Variants in KHDRBS3 observed in about 807,000 individuals in gnomAD.
KHDRBS3 encodes KH domain-containing, RNA-binding, signal transduction-associated protein 3.
A neutral mutation model predicts 45.6 loss-of-function variants in KHDRBS3; 23 were observed. The ratio of observed to expected loss-of-function variants is 0.50; its 90% CI spans 0.36 to 0.72. The LOEUF (loss-of-function observed/expected upper bound fraction) is 0.72, where lower values mean the gene tolerates loss of function less well. Ranked by LOEUF, KHDRBS3 falls within the 30% of genes least tolerant of loss-of-function variation. The probability of loss-of-function intolerance (pLI) is 0.00; values close to 1 mark genes in which losing one functional copy is unlikely to be tolerated. For missense variants in KHDRBS3, 352 were observed against 424.8 expected (o/e 0.83, Z 1.51); for synonymous variants, 162 against 156.5 (o/e 1.04, Z -0.26).
chr8:135,624,315 G>A lies in KHDRBS3; in HGVS notation c.890+17278G>A, dbSNP rs111507219. Among the ~76,000 whole-genome samples the A allele has an allele frequency of 4.2e-3, 644 of 152,278 alleles. 11 individuals are homozygous for A. Among genetic ancestry groups the A allele is most frequent in the African/African-American group, 0.014 (587 of 41,560 alleles). ...AGCAGAGAAGAGAAACATGGTAAATGTAAACCTAAAAGACAGTAAAATGGG... is the reference window on the plus strand; with the variant it reads ...AGCAGAGAAGAGAAACATGGTAAATATAAACCTAAAAGACAGTAAAATGGG... On this transcript the variant is annotated intron_variant, in intron 7 of 8. Coordinates refer to ENST00000355849, the MANE Select transcript of KHDRBS3 (RefSeq NM_006558.3).
At chr8:135,460,076 T>G (rs1185199175) in intron 1 of KHDRBS3, among the ~76,000 whole-genome samples, 1 of 152,244 alleles carries the variant, frequency 6.6e-6, no homozygotes. Context: ...TACACGCTTA[T>G]GTAACTGCAA....
chr8:135,583,157 T>C, intron 6 of KHDRBS3, among the ~76,000 whole-genome samples: 1 of 152,202 alleles, frequency 6.6e-6, no homozygotes, highest in Non-Finnish European at 1.5e-5. Context: ...TTACTACAGT[T>C]CTTACATTTC....
intron 7 of KHDRBS3, among the ~76,000 whole-genome samples, chr8:135,632,234 AC>A (rs1830634524): frequency 6.6e-6 from 1 of 152,058 alleles, no homozygotes; most frequent in Non-Finnish European, 1.5e-5. Context: ...TCCTCTGAGC[AC>A]CTTTGCCACA....
intron 3 of KHDRBS3, among the ~76,000 whole-genome samples, chr8:135,544,259 G>A (rs1288456197): frequency 6.6e-6 from 1 of 152,146 alleles, no homozygotes; most frequent in Non-Finnish European, 1.5e-5. Flanking sequence ...TGCTTGGTCA[G>A]AAGCAGTGTT....
chr8:135,492,846 T>A (rs1037077294), intron 1 of KHDRBS3, among the ~76,000 whole-genome samples: 1 of 152,164 alleles, frequency 6.6e-6, no homozygotes, highest in African/African-American at 2.4e-5. Flanking sequence ...CTTACTGATT[T>A]CTGCAAAAAC....
intron 5 of KHDRBS3, among the ~76,000 whole-genome samples, chr8:135,574,902 A>G (rs1827881706): frequency 1.3e-5 from 2 of 152,206 alleles, no homozygotes; most frequent in African/African-American, 4.8e-5. Context: ...TTTCTCTCCT[A>G]ATAACACAAA....
chr8:135,579,678 A>G (rs1293775352), intron 5 of KHDRBS3, among the ~76,000 whole-genome samples: 1 of 152,192 alleles, frequency 6.6e-6, no homozygotes, highest in Admixed American at 6.5e-5. Context: ...GAAAGTTGTT[A>G]TGAATGAATG....
chr8:135,471,141 GA>G (rs1025752344), intron 1 of KHDRBS3, among the ~76,000 whole-genome samples: 3 of 152,196 alleles, frequency 2.0e-5, no homozygotes, highest in Non-Finnish European at 4.4e-5. Context: ...TAACTTAGAA[GA>G]ATGTGCGTGA....
chr8:135,630,390 A>G (rs1830542907), intron 7 of KHDRBS3, among the ~76,000 whole-genome samples: 1 of 152,152 alleles, frequency 6.6e-6, no homozygotes, highest in African/African-American at 2.4e-5. Context: ...CAGCTATGTG[A>G]TTTTAAATAA....
chr8:135,544,897 G>T (rs1333390688), intron 3 of KHDRBS3, among the ~76,000 whole-genome samples: 1 of 151,908 alleles, frequency 6.6e-6, no homozygotes. Flanking sequence ...ACTGTCAGTG[G>T]ACTGAGACCA....
At chr8:135,590,515 G>A (rs965931750) in intron 6 of KHDRBS3, among the ~76,000 whole-genome samples, 3 of 152,134 alleles carry the variant, frequency 2.0e-5, no homozygotes, top group Non-Finnish European at 4.4e-5. Context: ...AGTCTGCAGC[G>A]GTTTGAGTAT....
chr8:135,506,539 G>A (rs999592092), intron 1 of KHDRBS3, among the ~76,000 whole-genome samples: 2 of 151,928 alleles, frequency 1.3e-5, no homozygotes, highest in Non-Finnish European at 2.9e-5. Context: ...AAGTAGGTGG[G>A]ACTACAGGTG....
At chr8:135,615,312 T>C (rs1829872791) in intron 7 of KHDRBS3, among the ~76,000 whole-genome samples, 1 of 148,924 alleles carries the variant, frequency 6.7e-6, no homozygotes, top group South Asian at 2.1e-4. Context: ...CATGTGTAAG[T>C]ATTGCTGTTT....
chr8:135,636,536 G>A (rs1830820844), intron 7 of KHDRBS3, among the ~76,000 whole-genome samples: 3 of 152,188 alleles, frequency 2.0e-5, no homozygotes, highest in Admixed American at 2.0e-4. Flanking sequence ...GAAAGAGTTC[G>A]TGGGTCACAC....
intron 5 of KHDRBS3, among the ~76,000 whole-genome samples, chr8:135,573,710 TTTTTTGTTTTTG>T (rs778753543): frequency 1.3e-5 from 2 of 152,104 alleles, no homozygotes; most frequent in African/African-American, 2.4e-5. Flanking sequence ...GAGTGACTGT[TTTTTTGTTTTTG>T]TTTTTGTTTT....
intron 7 of KHDRBS3, among the ~76,000 whole-genome samples, chr8:135,607,581 T>C (rs1408472352): frequency 6.6e-6 from 1 of 152,264 alleles, no homozygotes; most frequent in Non-Finnish European, 1.5e-5. Flanking sequence ...CAGAGCTTCA[T>C]ACTTACCTCT....
intron 7 of KHDRBS3, among the ~76,000 whole-genome samples, chr8:135,644,806 G>A (rs532015709): frequency 3.4e-4 from 51 of 152,222 alleles, no homozygotes; most frequent in Admixed American, 9.8e-4. Flanking sequence ...TGTGTGTTGC[G>A]TGGCCAATTG....
rs73712085 is a variant in KHDRBS3, at chr8:135,600,284, G to C, written c.808-6671G>C. ...CATTCTAGGTGTATAATTTTTGGAG[G>C]AATGTTTAGATAAGGAAGCATTAGA... On this transcript the variant is annotated intron_variant, in intron 6 of 8. Coordinates refer to ENST00000355849, the MANE Select transcript of KHDRBS3 (RefSeq NM_006558.3). 8.9e-3 allele frequency among the ~76,000 whole-genome samples: 1,351 copies of C among 152,290 alleles called. 13 individuals are homozygous for C. Among genetic ancestry groups the C allele is most frequent in the African/African-American group, 0.024 (1,003 of 41,552 alleles).
chr8:135,499,160 AGTGTCTTTTTTTG>A (rs1344749675), intron 1 of KHDRBS3, among the ~76,000 whole-genome samples: 1 of 152,104 alleles, frequency 6.6e-6, no homozygotes, highest in Non-Finnish European at 1.5e-5. Context: ...AGGTATTTTC[AGTGTCTTTTTTTG>A]GTGTCATTGT....
Sources: gnomAD v4.1 joint callset for allele counts (sites outside exome capture counted in the v4.1 genomes callset) on GRCh38, gnomAD v4.1.1 for gene constraint, MANE v1.5 for transcripts, NCBI Gene and HGNC (gene_info 2026-07-23, HGNC 2026-07-21) for gene names.